CYSTM1: variants seen among roughly 807,000 people sequenced by gnomAD.
CYSTM1 encodes cysteine rich transmembrane module containing 1.
A neutral mutation model predicts 13.1 loss-of-function variants in CYSTM1; 4 were observed. The ratio of observed to expected loss-of-function variants is 0.31; its 90% CI spans 0.15 to 0.70. The LOEUF (loss-of-function observed/expected upper bound fraction) is 0.70, where lower values mean the gene tolerates loss of function less well. CYSTM1 is among the 30% of genes least tolerant of loss of function. CYSTM1 has a pLI of 0.72. For synonymous variants in CYSTM1, 36 were observed against 42.7 expected (o/e 0.84, Z 0.62); for missense variants, 96 against 121.6 (o/e 0.79, Z 0.99).
At chr5:140,210,258 T>A (rs1764345969) in intron 2 of CYSTM1, among the ~76,000 whole-genome samples, 1 of 152,178 alleles carries the variant, frequency 6.6e-6, no homozygotes, top group South Asian at 2.1e-4. Flanking sequence ...ACGCAACTTT[T>A]CTATAGGTTA....
chr5:140,210,649 CCA>C (rs1307609304), intron 2 of CYSTM1, among the ~76,000 whole-genome samples: 4 of 151,914 alleles, frequency 2.6e-5, no homozygotes, highest in Non-Finnish European at 5.9e-5. Flanking sequence ...GTAGCCAGGA[CCA>C]CAGGTATGCA....
Position 140,215,489 on chromosome 5 carries a change from TATACCCTGG to T in CYSTM1, c.187+20838_187+20846del, listed in dbSNP as rs1240003834. 3.3e-5 allele frequency among the ~76,000 whole-genome samples: 5 copies of T among 151,660 alleles called. No individual in the cohort carries two copies. In the East Asian group the frequency reaches 9.6e-4, roughly 29 times the overall value. ...TAGGCTGCAGTTCCTGTTCCTGGGT[TATACCCTGG>T]CTCTCACACAGAGAAACCTGGCCAC... On this transcript the variant is annotated intron_variant, in intron 2 of 2. Coordinates refer to ENST00000261811, the MANE Select transcript of CYSTM1 (RefSeq NM_032412.4).
chr5:140,183,811 G>A (rs1198297781), intron 1 of CYSTM1, among the ~76,000 whole-genome samples: 1 of 152,168 alleles, frequency 6.6e-6, no homozygotes, highest in Non-Finnish European at 1.5e-5. Flanking sequence ...ATGAAGGCTG[G>A]AGAAGGAGCC....
At chr5:140,186,309 C>G (rs1391097981) in intron 1 of CYSTM1, among the ~76,000 whole-genome samples, 1 of 152,100 alleles carries the variant, frequency 6.6e-6, no homozygotes, top group African/African-American at 2.4e-5. Flanking sequence ...TGCAGCAAAC[C>G]TAGAAGTCTG....
intron 2 of CYSTM1, among the ~76,000 whole-genome samples, chr5:140,243,013 A>G (rs1337099239): frequency 1.3e-5 from 2 of 152,202 alleles, no homozygotes; most frequent in African/African-American, 4.8e-5. Flanking sequence ...TTACAAACCA[A>G]GTAGGGTTGG....
At chr5:140,221,635 T>G (rs1363693811) in intron 2 of CYSTM1, among the ~76,000 whole-genome samples, 1 of 152,240 alleles carries the variant, frequency 6.6e-6, no homozygotes, top group African/African-American at 2.4e-5. Context: ...GCTTCCACCT[T>G]TTGACTATGT....
At chr5:140,243,224 C>G (rs1481259892) in intron 2 of CYSTM1, 81 bp from the exon 3 acceptor site, 7 of 1,128,158 alleles carry the variant, frequency 6.2e-6, no homozygotes, top group Non-Finnish European at 8.0e-6. Context: ...TGTAGCCTTC[C>G]TGTGGTCCTG....
intron 2 of CYSTM1, among the ~76,000 whole-genome samples, chr5:140,238,121 G>T (rs925419268): frequency 6.6e-6 from 1 of 152,164 alleles, no homozygotes; most frequent in African/African-American, 2.4e-5. Flanking sequence ...GGTATCTTGG[G>T]ACTAAGCTTC....
Position 140,194,449 on chromosome 5 carries a change from C to T in CYSTM1, c.-17C>T, listed in dbSNP as rs1487027111. ...TTTCATTCTTTTTGTCTCTTAGGTG[C>T]ACTTTACAGGTCCCCGATGAACCAA... On this transcript the variant is annotated 5_prime_UTR_variant, in exon 2 of 3. Transcript: ENST00000261811. The T allele has an allele frequency of 2.1e-5, 32 of 1,549,108 alleles. No individual in the cohort carries two copies. The highest frequency in any genetic ancestry group is 2.7e-5 in the Non-Finnish European group (31 of 1,152,808).
intron 2 of CYSTM1, among the ~76,000 whole-genome samples, chr5:140,211,041 C>A (rs1315206878): frequency 6.6e-6 from 1 of 152,112 alleles, no homozygotes; most frequent in Non-Finnish European, 1.5e-5. Context: ...GTAACAATTT[C>A]TAGATTAAAA....
intron 2 of CYSTM1, among the ~76,000 whole-genome samples, chr5:140,197,665 A>G (rs1764173701): frequency 6.6e-6 from 1 of 152,180 alleles, no homozygotes; most frequent in African/African-American, 2.4e-5. Context: ...CATGCTGTGT[A>G]TCTGAGCTCT....
At chr5:140,218,520 A>G (rs911349357) in intron 2 of CYSTM1, among the ~76,000 whole-genome samples, 7 of 152,190 alleles carry the variant, frequency 4.6e-5, no homozygotes, top group African/African-American at 1.7e-4. Context: ...TCTCATCCCT[A>G]TTTTACAGGT....
At chr5:140,223,766 A>G (rs573418743) in intron 2 of CYSTM1, among the ~76,000 whole-genome samples, 1 of 152,260 alleles carries the variant, frequency 6.6e-6, no homozygotes, top group African/African-American at 2.4e-5. Flanking sequence ...CTATTTCTGG[A>G]GCTGATATGA....
chr5:140,233,514 A>G (rs1661901248), intron 2 of CYSTM1, among the ~76,000 whole-genome samples: 1 of 152,224 alleles, frequency 6.6e-6, no homozygotes, highest in African/African-American at 2.4e-5. Flanking sequence ...CTGAATACCC[A>G]GGAGTGGAAT....
At chr5:140,234,032 G>A (rs1764649374) in intron 2 of CYSTM1, among the ~76,000 whole-genome samples, 1 of 152,064 alleles carries the variant, frequency 6.6e-6, no homozygotes, top group South Asian at 2.1e-4. Context: ...AGGACTCTTT[G>A]TCTAACCCCA....
At chr5:140,227,732 G>A (rs978375768) in intron 2 of CYSTM1, among the ~76,000 whole-genome samples, 1 of 152,106 alleles carries the variant, frequency 6.6e-6, no homozygotes, top group African/African-American at 2.4e-5. Context: ...TGAAATAGAC[G>A]CTTGAAGAGA....
Position 140,212,983 on chromosome 5 carries a change from G to GTGTATATATATATATATATATATATA in CYSTM1, c.187+18332_187+18333insGTATATATATATATATATATATATAT, listed in dbSNP as rs1405430820. The stretch of plus-strand genomic sequence containing the variant: ...ACTCTGTCTCAAAAACAAAACAAAA[G>GTGTATATATATATATATATATATATA]TATATATATATATATATATATATAT... On this transcript the variant is annotated intron_variant, in intron 2 of 2. Transcript: ENST00000261811. Among the ~76,000 whole-genome samples the GTGTATATATATATATATATATATATA allele has an allele frequency of 4.3e-3, 496 of 114,226 alleles. 23 individuals are homozygous for GTGTATATATATATATATATATATATA. The highest frequency in any genetic ancestry group is 0.011 in the South Asian group (29 of 2,736). 74.9% of individuals were successfully genotyped at this position (114,226 alleles called of 152,430 possible).
chr5:140,243,108 A>T (rs1764770650), intron 2 of CYSTM1, among the ~76,000 whole-genome samples, 197 bp from the exon 3 acceptor site: 1 of 152,190 alleles, frequency 6.6e-6, no homozygotes. Flanking sequence ...CTGAGTCTGG[A>T]GTGGCAGGAG....
At chr5:140,187,823 G>A (rs567672962) in intron 1 of CYSTM1, among the ~76,000 whole-genome samples, 27 of 152,142 alleles carry the variant, frequency 1.8e-4, no homozygotes, top group Middle Eastern at 6.8e-3. Flanking sequence ...TTTACCCCAA[G>A]TCTGGTACCC....
Sources: allele counts gnomAD v4.1 joint callset (sites outside exome capture counted in the v4.1 genomes callset), GRCh38; gene constraint gnomAD v4.1.1; transcripts MANE v1.5; gene names NCBI Gene and HGNC (gene_info 2026-07-23, HGNC 2026-07-21).